Variants in MGST1 observed in about 807,000 individuals in gnomAD.
MGST1 encodes glutathione S-transferase 12.
MGST1 carries 5 observed loss-of-function variants against 8.9 expected under a neutral mutation model. The ratio of observed to expected loss-of-function variants is 0.56; its 90% CI spans 0.29 to 1.19. MGST1 has a LOEUF of 1.19. Among genes scored for constraint, MGST1 ranks in the 50% most tolerant of loss-of-function variants. The pLI is 0.08. For synonymous variants in MGST1, 54 were observed against 67.8 expected, an observed-to-expected ratio of 0.80 and a Z score of 1.00; for missense variants, 182 against 187.4, an observed-to-expected ratio of 0.97 and a Z score of 0.17.
chr12:16,433,933 T>C (rs1025583183), intron 1 of MGST1, among the ~76,000 whole-genome samples: 1 of 152,090 alleles, frequency 6.6e-6, no homozygotes, highest in African/African-American at 2.4e-5. Context: ...ATCAGAATAT[T>C]CCTATTCATA....
rs1412998127 is a variant in MGST1 at position 16,555,166 on chromosome 12, ATC to A, written n.483-34361_483-34360del. On this transcript the variant is annotated intron_variant and non_coding_transcript_variant, in intron 4 of 4. Coordinates refer to the MGST1 transcript ENST00000538857. The surrounding 1 kb of genome is among the most constrained non-coding windows in gnomAD (Gnocchi z 5.5). ...GACTAATACTTTATCAGAATTTGCT[ATC>A]ATTATTATTTGGTAATGATAATCTT... Among the ~76,000 whole-genome samples the A allele has an allele frequency of 6.6e-6, 1 of 152,226 alleles. No individual in the cohort carries two copies. The highest frequency in any genetic ancestry group is 2.4e-5 in the African/African-American group (1 of 41,466).
intron 1 of MGST1, among the ~76,000 whole-genome samples, chr12:16,353,890 G>A (rs1365500320): frequency 6.6e-6 from 1 of 151,248 alleles, no homozygotes; most frequent in African/African-American, 2.4e-5. Context: ...CTCACGAGTA[G>A]CTGGGATTGC....
chr12:16,482,335 T>C lies in MGST1; in HGVS notation n.482+98731T>C, dbSNP rs1421525908. On this transcript the variant is annotated intron_variant and non_coding_transcript_variant, in intron 4 of 4. Transcript: ENST00000538857. This position sits in a 1 kb window ranked among gnomAD's most constrained non-coding sequence, Gnocchi z 4.2. ...GAAAAGGAATGTTTGATCTGAAGTA[T>C]AAAAAAAAGAGCAAGGGCCGGGTGC... is the stretch of plus-strand genomic sequence containing the variant. 2.0e-5 allele frequency among the ~76,000 whole-genome samples: 3 copies of C among 151,746 alleles called. No individual in the cohort carries two copies. Among genetic ancestry groups the C allele is most frequent in the Non-Finnish European group, 4.4e-5 (3 of 67,916 alleles).
chr12:16,411,606 T>C (rs1304789432), intron 1 of MGST1, among the ~76,000 whole-genome samples: 1 of 152,112 alleles, frequency 6.6e-6, no homozygotes, highest in African/African-American at 2.4e-5. Context: ...GATAAAGGGC[T>C]GTACAAATGG....
At chr12:16,351,702 C>T (rs377520339) in intron 1 of MGST1, among the ~76,000 whole-genome samples, 29 of 151,974 alleles carry the variant, frequency 1.9e-4, no homozygotes, top group African/African-American at 6.0e-4. Context: ...CCCAGCTACT[C>T]GGGAGGCTGA....
intron 4 of MGST1, among the ~76,000 whole-genome samples, chr12:16,459,459 T>C (rs1024167864): frequency 3.9e-5 from 6 of 152,148 alleles, no homozygotes; most frequent in African/African-American, 1.2e-4. Flanking sequence ...CTCCCTTTGG[T>C]TAGCCTGAGT....
chr12:16,460,140 T>C (rs1045000233), intron 4 of MGST1, among the ~76,000 whole-genome samples: 1 of 152,134 alleles, frequency 6.6e-6, no homozygotes, highest in African/African-American at 2.4e-5. Flanking sequence ...GAATGAAGTC[T>C]TAATAAAGGT....
intron 1 of MGST1, among the ~76,000 whole-genome samples, chr12:16,353,938 T>G: frequency 6.6e-6 from 1 of 152,024 alleles, no homozygotes; most frequent in East Asian, 1.9e-4. Flanking sequence ...TTTTGTATTT[T>G]TAGTAGAGAT....
At chr12:16,376,406 G>A (rs1245068118) in exon 4 of MGST1, 9 of 311,678 alleles carry the variant, frequency 2.9e-5, no homozygotes, top group Non-Finnish European at 5.3e-5. Flanking sequence ...AAATCTCCAC[G>A]AATCTCTAAT....
intron 4 of MGST1, among the ~76,000 whole-genome samples, chr12:16,487,863 C>T (rs1488769222): frequency 6.6e-6 from 1 of 152,054 alleles, no homozygotes; most frequent in Non-Finnish European, 1.5e-5. Flanking sequence ...CTATGTTGCC[C>T]AGGCTTGTGG....
chr12:16,395,831 A>G (rs542977078), intron 1 of MGST1, among the ~76,000 whole-genome samples: 18 of 146,840 alleles, frequency 1.2e-4, no homozygotes, highest in Non-Finnish European at 2.5e-4. Flanking sequence ...ACACACCACA[A>G]TTTCTTTATT....
chr12:16,388,154 C>A (rs73064197), intron 1 of MGST1, among the ~76,000 whole-genome samples: 2 of 150,144 alleles, frequency 1.3e-5, no homozygotes, highest in Non-Finnish European at 1.5e-5. Flanking sequence ...AAAGTGATGA[C>A]AAAAACTGCA....
At chr12:16,505,325 T>A (rs1278677685) in intron 4 of MGST1, among the ~76,000 whole-genome samples, 1 of 152,186 alleles carries the variant, frequency 6.6e-6, no homozygotes, top group African/African-American at 2.4e-5. Flanking sequence ...TTGAGGTTCA[T>A]CCATAGACAA....
intron 4 of MGST1, among the ~76,000 whole-genome samples, chr12:16,464,024 G>T (rs550718944): frequency 1.3e-5 from 2 of 152,136 alleles, no homozygotes; most frequent in African/African-American, 2.4e-5. Context: ...GGCTGGGTTC[G>T]AATGGCAGTT....
At chr12:16,459,678 T>C (rs1450097402) in intron 4 of MGST1, among the ~76,000 whole-genome samples, 2 of 152,076 alleles carry the variant, frequency 1.3e-5, no homozygotes, top group Non-Finnish European at 2.9e-5. Flanking sequence ...GGGAGTAAAG[T>C]AGAGAATCTT....
intron 4 of MGST1, among the ~76,000 whole-genome samples, chr12:16,453,876 C>G (rs930628154): frequency 6.6e-6 from 1 of 151,918 alleles, no homozygotes; most frequent in African/African-American, 2.4e-5. Flanking sequence ...TCCACAATGA[C>G]CTCATCTTAA....
chr12:16,476,323 C>T (rs1941322765), intron 4 of MGST1, among the ~76,000 whole-genome samples: 1 of 151,960 alleles, frequency 6.6e-6, no homozygotes, highest in South Asian at 2.1e-4. Context: ...ACATTGTGCT[C>T]TGTTATTTAA....
At position 16,357,697 on chromosome 12, in the gene MGST1, C is replaced by T; in HGVS notation, c.219C>T (p.Arg73=). 1.2e-6 allele frequency: 2 copies of T among 1,607,652 alleles called. No individual in the cohort carries two copies. The highest frequency in any genetic ancestry group is 1.7e-6 in the Non-Finnish European group (2 of 1,177,578). The change falls in exon 3 of 4, where the codon CGC becomes CGT. Residue 73 remains arginine, a splice_region_variant and synonymous_variant. Transcript: ENST00000396210. ...CAGATGACAGAGTAGAACGTGTACG[C>T]AGGTAAACCAGTGTCTCTTGAAATT... The part of the protein sequence containing the change: ...LRTDDRVERV[R]RAHLNDLENI...
intron 4 of MGST1, among the ~76,000 whole-genome samples, chr12:16,535,155 T>C (rs1396605097): frequency 6.6e-6 from 1 of 152,204 alleles, no homozygotes; most frequent in Admixed American, 6.5e-5. Flanking sequence ...CCAAATGCCT[T>C]AATTAACTCC....
Sources: gnomAD v4.1 joint callset for allele counts (sites outside exome capture counted in the v4.1 genomes callset) on GRCh38, gnomAD v4.1.1 for gene constraint, Gnocchi (gnomAD v3.1) non-coding constraint, MANE v1.5 for transcripts, NCBI Gene and HGNC (gene_info 2026-07-23, HGNC 2026-07-21) for gene names.